Variants in TRAPPC9 observed in about 807,000 individuals in gnomAD.
The protein encoded by TRAPPC9 is IKK2 binding protein.
A neutral mutation model predicts 124.0 loss-of-function variants in TRAPPC9; 83 were observed. That is an observed-to-expected ratio of 0.67 (90% CI 0.56 to 0.80). The LOEUF is 0.80. TRAPPC9 is among the 30% of genes least tolerant of loss of function. The pLI, the probability that TRAPPC9 is intolerant of heterozygous loss-of-function variation, is 0.00. For missense variants in TRAPPC9, 1,302 were observed against 1,508.3 expected, an observed-to-expected ratio of 0.86 and a Z score of 2.27; for synonymous variants, 638 against 617.5, an observed-to-expected ratio of 1.03 and a Z score of -0.49.
At chr8:140,052,906 C>A (rs1468370984) in intron 17 of TRAPPC9, among the ~76,000 whole-genome samples, 1 of 152,166 alleles carries the variant, frequency 6.6e-6, no homozygotes, top group Non-Finnish European at 1.5e-5. Context: ...GTGGTTGAAC[C>A]ACTGCACTCC....
At chr8:140,051,629 T>A (rs1842014162) in intron 17 of TRAPPC9, among the ~76,000 whole-genome samples, 1 of 116,222 alleles carries the variant, frequency 8.6e-6, no homozygotes, top group Admixed American at 1.1e-4. Context: ...AAATAGCAAA[T>A]ACAAAGCACA....
intron 17 of TRAPPC9, among the ~76,000 whole-genome samples, chr8:140,111,030 C>T (rs1429037481): frequency 6.9e-6 from 1 of 144,958 alleles, no homozygotes; most frequent in Non-Finnish European, 1.5e-5. Flanking sequence ...CTGGAGGGTC[C>T]AAAGTCCCCA....
intron 17 of TRAPPC9, among the ~76,000 whole-genome samples, chr8:140,071,960 G>T (rs1392694477): frequency 6.6e-6 from 1 of 152,170 alleles, no homozygotes; most frequent in Non-Finnish European, 1.5e-5. Context: ...CAAAATCAAT[G>T]ATTAAAATCA....
rs116057483 is a variant in TRAPPC9 at position 139,753,486 on chromosome 8, G to C, written c.3056-21284C>G. ...CAGATTTCCCAATAGCCGTTCATGC[G>C]TTTTACCGTTTTACTGATTTGTTCT... is the stretch of plus-strand genomic sequence containing the variant. On this transcript the variant is annotated intron_variant, in intron 21 of 22. Coordinates refer to ENST00000438773, the MANE Select transcript of TRAPPC9 (RefSeq NM_001160372.4). 1.4e-3 allele frequency among the ~76,000 whole-genome samples: 217 copies of C among 152,156 alleles called. 1 individual carries two copies. The highest frequency in any genetic ancestry group is 4.9e-3 in the African/African-American group (204 of 41,492).
chr8:139,981,886 G>A (rs77640749), intron 19 of TRAPPC9, among the ~76,000 whole-genome samples: 2,723 of 152,324 alleles, frequency 0.018, 80 homozygotes, highest in African/African-American at 0.061. Flanking sequence ...CCTGCCGGCG[G>A]TCCATCTCCC....
intron 17 of TRAPPC9, among the ~76,000 whole-genome samples, chr8:140,203,666 G>T (rs772515824): frequency 2.0e-5 from 3 of 152,310 alleles, no homozygotes; most frequent in Admixed American, 1.3e-4. Flanking sequence ...GGTAAATTCC[G>T]CAGAAGAGAC....
intron 1 of TRAPPC9, among the ~76,000 whole-genome samples, chr8:140,453,999 A>G (rs2132724478): frequency 6.6e-6 from 1 of 152,318 alleles, no homozygotes; most frequent in Non-Finnish European, 1.5e-5. Context: ...TTTTAGAAGT[A>G]TCATCTCGGC....
chr8:140,191,055 G>A lies in TRAPPC9; in HGVS notation c.2556+30404C>T, dbSNP rs74359797. Among the ~76,000 whole-genome samples the A allele has an allele frequency of 5.4e-3, 819 of 152,182 alleles. 9 individuals are homozygous for A. The highest frequency in any genetic ancestry group is 0.019 in the African/African-American group (776 of 41,484). On this transcript the variant is annotated intron_variant, in intron 17 of 22. Transcript: ENST00000438773. ...GGAGAGGCCAGATTAGGAGAGGGTG[G>A]GGGTTACAATAGCCTCTACAATGCT...
chr8:140,166,230 C>T (rs117659209), intron 17 of TRAPPC9, among the ~76,000 whole-genome samples: 6,902 of 152,320 alleles, frequency 0.045, 225 homozygotes, highest in Middle Eastern at 0.075. Flanking sequence ...AGCAGCCTGG[C>T]TGGGCATCAG....
rs140092416 is a variant in TRAPPC9, at chr8:140,428,163, T to C, written c.860-1522A>G. Among the ~76,000 whole-genome samples the C allele has an allele frequency of 1.1e-4, 16 of 152,344 alleles. No individual in the cohort carries two copies. In the East Asian group the frequency reaches 3.1e-3, roughly 29 times the overall value. ...GCCAAATATATTATACTATGCCATG[T>C]CCTTTAGGTAGGGGATATGAGTTAA... On this transcript the variant is annotated intron_variant, in intron 4 of 22. Transcript: ENST00000438773.
intron 6 of TRAPPC9, among the ~76,000 whole-genome samples, chr8:140,405,045 TA>T (rs2069442894): frequency 6.6e-6 from 1 of 152,174 alleles, no homozygotes; most frequent in Non-Finnish European, 1.5e-5. Flanking sequence ...TTCATTTTTT[TA>T]CTTGATGCCA....
intron 8 of TRAPPC9, among the ~76,000 whole-genome samples, chr8:140,365,468 G>A (rs894388530): frequency 7.2e-5 from 11 of 152,234 alleles, no homozygotes; most frequent in East Asian, 1.9e-4. Flanking sequence ...TAGCCTTGGC[G>A]TGGATTAGAA....
At chr8:140,099,668 G>C (rs1482468404) in intron 17 of TRAPPC9, 1 of 150,604 alleles carries the variant, frequency 6.6e-6, no homozygotes, top group African/African-American at 2.5e-5. Flanking sequence ...GAGACACCCA[G>C]CTAGGTCTCT....
chr8:139,894,700 A>G (rs1431375054), intron 20 of TRAPPC9, among the ~76,000 whole-genome samples: 1 of 152,188 alleles, frequency 6.6e-6, no homozygotes, highest in Admixed American at 6.5e-5. Context: ...CACTCTAATC[A>G]AAGGCAGAGG....
chr8:139,804,510 ACCCACCACCG>A (rs1388998922), intron 21 of TRAPPC9, among the ~76,000 whole-genome samples: 62 of 105,516 alleles, frequency 5.9e-4, no homozygotes, highest in Middle Eastern at 6.2e-3. Context: ...AACCACTACC[ACCCACCACCG>A]CCACCACACA....
At chr8:139,870,987 T>G (rs1828864084) in intron 21 of TRAPPC9, among the ~76,000 whole-genome samples, 1 of 152,200 alleles carries the variant, frequency 6.6e-6, no homozygotes, top group Non-Finnish European at 1.5e-5. Context: ...CCGTCTCTCT[T>G]CGCTCCCACA....
At chr8:139,906,161 G>A (rs1342490010) in intron 20 of TRAPPC9, among the ~76,000 whole-genome samples, 4 of 152,166 alleles carry the variant, frequency 2.6e-5, no homozygotes, top group Non-Finnish European at 2.9e-5. Flanking sequence ...TAGCTCATCC[G>A]GTCAGGCCCA....
At chr8:140,024,134 T>TGA (rs1364910113) in intron 17 of TRAPPC9, 55 bp from the exon 18 acceptor site, 14 of 1,601,222 alleles carry the variant, frequency 8.7e-6, no homozygotes, top group Non-Finnish European at 1.2e-5. Context: ...CTCTCTAGTT[T>TGA]GATCCACCAG....
At chr8:140,098,983 A>T (rs2060513261) in intron 17 of TRAPPC9, 1 of 151,914 alleles carries the variant, frequency 6.6e-6, no homozygotes, top group Admixed American at 6.6e-5. Flanking sequence ...GTCCGCCCAG[A>T]TCCTCCACAG....
Sources: allele counts gnomAD v4.1 joint callset (sites outside exome capture counted in the v4.1 genomes callset), GRCh38; gene constraint gnomAD v4.1.1; transcripts MANE v1.5; gene names NCBI Gene and HGNC (gene_info 2026-07-23, HGNC 2026-07-21).